The following ZFHX3 variants were observed in gnomAD, a reference collection of about 807,000 sequenced individuals.
ZFHX3 encodes the protein zinc finger homeobox 3.
In ZFHX3, 42 loss-of-function variants were observed where a neutral mutation model predicts 279.1. The observed-to-expected ratio is 0.15, with a 90% CI of 0.12 to 0.19. The LOEUF is 0.19. ZFHX3 is among the 10% of genes least tolerant of loss of function. ZFHX3 has a pLI of 1.00. For synonymous variants in ZFHX3, 2,293 were observed against 1,957.8 expected (o/e 1.17, Z -4.52); for missense variants, 4,981 against 4,754.0 (o/e 1.05, Z -1.40).
chr16:73,262,891 G>A (rs1322851087), intron 4 of ZFHX3, among the ~76,000 whole-genome samples: 4 of 152,116 alleles, frequency 2.6e-5, no homozygotes, highest in Admixed American at 2.6e-4. Context: ...GAATCCCCGA[G>A]GAAGCCCTCC....
At chr16:73,572,520 A>G (rs1318441438) in intron 2 of ZFHX3, among the ~76,000 whole-genome samples, 1 of 152,234 alleles carries the variant, frequency 6.6e-6, no homozygotes, top group Non-Finnish European at 1.5e-5. Flanking sequence ...AGGAGAAGGC[A>G]ACATAAAGCT....
At chr16:73,868,098 C>T (rs562442666) in intron 1 of ZFHX3, among the ~76,000 whole-genome samples, 18 of 152,176 alleles carry the variant, frequency 1.2e-4, no homozygotes, top group Non-Finnish European at 2.1e-4. Context: ...TCTTTTCCTC[C>T]CAATAAATCC....
chr16:73,706,356 G>C (rs1219556809), intron 1 of ZFHX3, among the ~76,000 whole-genome samples: 1 of 151,648 alleles, frequency 6.6e-6, no homozygotes, highest in Non-Finnish European at 1.5e-5. Flanking sequence ...CAGCTACTCG[G>C]GAGGCTGAAG....
chr16:73,870,476 C>T (rs907611507), intron 1 of ZFHX3, among the ~76,000 whole-genome samples: 1 of 152,206 alleles, frequency 6.6e-6, no homozygotes, highest in Non-Finnish European at 1.5e-5. Flanking sequence ...AAAGCGGCTT[C>T]ACACTAGTCC....
intron 3 of ZFHX3, among the ~76,000 whole-genome samples, chr16:72,926,199 C>T (rs1208752295): frequency 6.6e-6 from 1 of 152,148 alleles, no homozygotes; most frequent in African/African-American, 2.4e-5. Flanking sequence ...TTTTATTTTG[C>T]ATATGCCCTT....
At chr16:73,321,796 G>T (rs12935108) in intron 3 of ZFHX3, among the ~76,000 whole-genome samples, 61,307 of 151,862 alleles carry the variant, frequency 0.4, 14,216 homozygotes, top group Non-Finnish European at 0.53. Context: ...CTCCCCCAAA[G>T]GGTAGGCGGG....
chr16:73,863,161 G>T (rs1282547456), intron 1 of ZFHX3, among the ~76,000 whole-genome samples: 1 of 152,054 alleles, frequency 6.6e-6, no homozygotes, highest in Non-Finnish European at 1.5e-5. Context: ...AGCGGAGATC[G>T]TGCCAATGCA....
Position 72,839,625 on chromosome 16 carries a change from G to T in ZFHX3, c.3449-9766C>A, listed in dbSNP as rs537830571. 1.1e-4 allele frequency among the ~76,000 whole-genome samples: 17 copies of T among 152,032 alleles called. No homozygotes were observed. The South Asian group carries it at 1.5e-3, about 13-fold the overall frequency. ...TCTTAAAGACAGAAAATTTGATAAA[G>T]CCCCACCCCCCCCAAAAAAAAGCTG... On this transcript the variant is annotated intron_variant, in intron 4 of 9. Coordinates refer to ENST00000268489, the MANE Select transcript of ZFHX3 (RefSeq NM_006885.4).
In ZFHX3 at chr16:72,950,939, G is replaced by A. The variant is rs772043584; in HGVS notation, c.2746C>T (p.Arg916Trp). The A allele has an allele frequency of 2.3e-5, 37 of 1,613,736 alleles. No homozygotes were observed. The African/African-American group carries it at 3.1e-4, about 13-fold the overall frequency. ...LVGGEIPLDM[R>W]LGGGQLVSEE... The stretch of plus-strand genomic sequence containing the variant: ...GACACCAGCTGCCCGCCCCCGAGCC[G>A]CATGTCTAGGGGGATCTCACCGCCC... The change falls in exon 3 of 10, where the codon CGG becomes TGG. Residue 916 changes from arginine (R) to tryptophan (W), a missense_variant. By Grantham distance (101) the Arg-to-Trp change is moderately radical. This residue lies in a region of ZFHX3 where 1,751 missense variants were observed against 1,770.0 expected (regional missense o/e 0.99). Coordinates refer to ENST00000268489, the MANE Select transcript of ZFHX3 (RefSeq NM_006885.4).
intron 7 of ZFHX3, among the ~76,000 whole-genome samples, chr16:73,100,769 T>C (rs1966221163): frequency 6.6e-6 from 1 of 152,070 alleles, no homozygotes; most frequent in African/African-American, 2.4e-5. Flanking sequence ...GGCTAATTTT[T>C]GTATTTTTGT....
chr16:72,918,282 G>C (rs564522461), intron 3 of ZFHX3, among the ~76,000 whole-genome samples: 17 of 152,202 alleles, frequency 1.1e-4, no homozygotes, highest in Non-Finnish European at 1.6e-4. Context: ...ACAAGTGCTT[G>C]AGATTTGCAT....
chr16:72,853,939 C>G (rs1358596969), intron 4 of ZFHX3, among the ~76,000 whole-genome samples: 1 of 148,458 alleles, frequency 6.7e-6, no homozygotes, highest in African/African-American at 2.5e-5. Context: ...TGTTTATTAG[C>G]ATCCTTGAGA....
At chr16:72,827,032 G>C (rs74336247) in intron 5 of ZFHX3, among the ~76,000 whole-genome samples, 329 of 152,304 alleles carry the variant, frequency 2.2e-3, no homozygotes, top group Non-Finnish European at 3.5e-3. Context: ...ATATAGAGTG[G>C]CTAGCATAAG....
chr16:73,694,024 T>TAAAA (rs376731332), intron 1 of ZFHX3, among the ~76,000 whole-genome samples: 39 of 146,452 alleles, frequency 2.7e-4, no homozygotes, highest in East Asian at 4.1e-4. Context: ...TCGTTTTAGC[T>TAAAA]AAAAAAAAAA....
At chr16:73,187,105 G>A (rs1167348436) in intron 5 of ZFHX3, among the ~76,000 whole-genome samples, 2 of 151,816 alleles carry the variant, frequency 1.3e-5, no homozygotes, top group Non-Finnish European at 2.9e-5. Flanking sequence ...CAAGAAGAGG[G>A]TTTGGAAGAG....
chr16:73,680,517 C>A (rs1406825200), intron 1 of ZFHX3, among the ~76,000 whole-genome samples: 1 of 152,176 alleles, frequency 6.6e-6, no homozygotes, highest in Non-Finnish European at 1.5e-5. Context: ...CAATGGAAAA[C>A]CATTTCACAT....
rs745780528 is a variant in ZFHX3, at chr16:72,811,732, G to A, written c.3709C>T (p.Arg1237Trp). Residue 1237 changes from arginine (R) to tryptophan (W), a missense_variant, in exon 7 of 10, where the codon CGG (arginine) becomes TGG (tryptophan). This residue lies in a region of ZFHX3 where 1,751 missense variants were observed against 1,770.0 expected (regional missense o/e 0.99). Coordinates refer to ENST00000268489, the MANE Select transcript of ZFHX3 (RefSeq NM_006885.4). Reference sequence around the variant, plus strand: ...TGCGTCATGGCATGCACCCGGAGCCGGTTGACATCGGCATTACTGTACTTG... The same window carrying A: ...TGCGTCATGGCATGCACCCGGAGCCAGTTGACATCGGCATTACTGTACTTG... ...YCKYSNADVN[R>W]LRVHAMTQHS... 59 of 1,613,940 alleles carry A rather than the reference G, an allele frequency of 3.7e-5. 1 individual carries two copies. Among genetic ancestry groups the A allele is most frequent in the South Asian group, 6.6e-5 (6 of 91,082 alleles).
intron 5 of ZFHX3, among the ~76,000 whole-genome samples, chr16:72,828,529 C>T (rs532040297): frequency 7.6e-4 from 115 of 152,280 alleles, no homozygotes; most frequent in Non-Finnish European, 1.1e-3. Context: ...GGTAAGATGT[C>T]CCCCTGCCTG....
intron 4 of ZFHX3, among the ~76,000 whole-genome samples, chr16:72,875,090 T>A (rs2038275355): frequency 6.6e-6 from 1 of 152,176 alleles, no homozygotes; most frequent in African/African-American, 2.4e-5. Flanking sequence ...TGGGCCAGTG[T>A]TTGTTCCGTT....
Sources: allele counts gnomAD v4.1 joint callset (sites outside exome capture counted in the v4.1 genomes callset), GRCh38; gene constraint gnomAD v4.1.1; regional missense constraint gnomAD v4.1.1; transcripts MANE v1.5; gene names NCBI Gene and HGNC (gene_info 2026-07-23, HGNC 2026-07-21).